PFKFB3: variants seen among roughly 807,000 people sequenced by gnomAD.
The protein encoded by PFKFB3 is 6-phosphofructo-2-kinase/fructose-2,6-biphosphatase 3.
In PFKFB3, 33 loss-of-function variants were observed where a neutral mutation model predicts 68.0. The observed-to-expected ratio is 0.49, with a 90% CI of 0.37 to 0.65. The LOEUF (loss-of-function observed/expected upper bound fraction) is 0.65, where lower values mean the gene tolerates loss of function less well. Ranked by LOEUF, PFKFB3 falls within the 30% of genes least tolerant of loss-of-function variation. PFKFB3 has a pLI of 0.00. For synonymous variants in PFKFB3, 315 were observed against 288.2 expected (o/e 1.09, Z -0.94); for missense variants, 586 against 712.2 (o/e 0.82, Z 2.02).
intron 1 of PFKFB3, among the ~76,000 whole-genome samples, chr10:6,145,590 G>C (rs1353728453): frequency 6.6e-6 from 1 of 152,192 alleles, no homozygotes; most frequent in African/African-American, 2.4e-5. Context: ...CGGCGCGGGA[G>C]GTGGGCAGCT....
intron 1 of PFKFB3, among the ~76,000 whole-genome samples, chr10:6,173,591 G>C (rs1287502286): frequency 6.6e-6 from 1 of 152,120 alleles, no homozygotes; most frequent in African/African-American, 2.4e-5. Context: ...TAAATGCTTG[G>C]AGAACAGCAA....
intron 1 of PFKFB3, among the ~76,000 whole-genome samples, chr10:6,159,837 C>T (rs1188468609): frequency 2.0e-5 from 3 of 151,886 alleles, no homozygotes; most frequent in Non-Finnish European, 4.4e-5. Flanking sequence ...TGACTCACTG[C>T]AGCTTTGACC....
In PFKFB3 at chr10:6,228,100, C is replaced by A; in HGVS notation, c.1515+1735C>A. On this transcript the variant is annotated intron_variant, in intron 14 of 14. Coordinates refer to ENST00000379775, the MANE Select transcript of PFKFB3 (RefSeq NM_004566.4). This position sits in a 1 kb window ranked among gnomAD's most constrained non-coding sequence, Gnocchi z 4.5. ...GCCAGGTTCTTAGGGACGTCTGAAG[C>A]TGCTGGCTGGGCCGGCGTGGGGTTT... The A allele has an allele frequency of 7.3e-7, 1 of 1,370,182 alleles. No homozygotes were observed. The highest frequency in any genetic ancestry group is 1.0e-6 in the Non-Finnish European group (1 of 962,358). 84.9% of individuals were successfully genotyped at this position (1,370,182 alleles called of 1,614,324 possible).
At chr10:6,303,794 C>T in the PFKFB3 span, among the ~76,000 whole-genome samples, 2 of 99,422 alleles carry the variant, frequency 2.0e-5, no homozygotes, top group African/African-American at 7.0e-5. Context: ...AGTGAGAGTC[C>T]ATCTAAAAAA....
chr10:6,293,645 C>T, the PFKFB3 span: 2 of 256,854 alleles, frequency 7.8e-6, no homozygotes, highest in Non-Finnish European at 1.6e-5. Context: ...GACGTCCGGT[C>T]TATTTTTCCA....
intron 1 of PFKFB3, among the ~76,000 whole-genome samples, chr10:6,191,649 G>C (rs1008508758): frequency 6.6e-6 from 1 of 152,164 alleles, no homozygotes; most frequent in Non-Finnish European, 1.5e-5. Context: ...CGCAGCTGTT[G>C]GGGAAGTCCC....
the PFKFB3 span, among the ~76,000 whole-genome samples, chr10:6,297,901 C>T: frequency 6.6e-6 from 1 of 152,192 alleles, no homozygotes; most frequent in Non-Finnish European, 1.5e-5. Context: ...ACCCGTCTCT[C>T]TTCTGCTGAT....
chr10:6,272,572 G>A, the PFKFB3 span, among the ~76,000 whole-genome samples: 1 of 152,096 alleles, frequency 6.6e-6, no homozygotes, highest in South Asian at 2.1e-4. Flanking sequence ...GTGGGTGCCT[G>A]TAATCCCAGC....
At chr10:6,205,719 G>A (rs1056761037) in intron 1 of PFKFB3, among the ~76,000 whole-genome samples, 1 of 151,994 alleles carries the variant, frequency 6.6e-6, no homozygotes. Context: ...TCCTAAACTT[G>A]TTGCCACCTT....
chr10:6,262,316 G>C, the PFKFB3 span, among the ~76,000 whole-genome samples: 48 of 151,180 alleles, frequency 3.2e-4, no homozygotes, highest in East Asian at 2.0e-4. Flanking sequence ...TAGCCGGGTG[G>C]GGTGGGGGGT....
the PFKFB3 span, among the ~76,000 whole-genome samples, chr10:6,320,470 T>G: frequency 6.6e-6 from 1 of 152,054 alleles, no homozygotes; most frequent in Admixed American, 6.6e-5. Flanking sequence ...TCTTTTTTTT[T>G]TTTGAGACAG....
rs760628655 is a variant in PFKFB3, at chr10:6,220,070, C to CATTTATTT, written c.623+391_623+398dup. On this transcript the variant is annotated intron_variant, in intron 7 of 14. Coordinates refer to ENST00000379775, the MANE Select transcript of PFKFB3 (RefSeq NM_004566.4). This position sits in a 1 kb window ranked among gnomAD's most constrained non-coding sequence, Gnocchi z 4.1. ...CTTTCTTTTTTCTTTCCTTTCTTTC[C>CATTTATTT]ATTTATTTATTTATTTATTTACTTA... is the stretch of plus-strand genomic sequence containing the variant. Among the ~76,000 whole-genome samples the CATTTATTT allele has an allele frequency of 5.3e-5, 8 of 151,558 alleles. No homozygotes were observed. The highest frequency in any genetic ancestry group is 1.2e-4 in the Non-Finnish European group (8 of 67,936).
chr10:6,210,596 G>C (rs1272798114), intron 1 of PFKFB3, among the ~76,000 whole-genome samples: 1 of 39,750 alleles, frequency 2.5e-5, no homozygotes, highest in African/African-American at 5.9e-5. Context: ...GTTTTTAATA[G>C]ACGGGGTTTC....
At position 6,215,056 on chromosome 10, in the gene PFKFB3, T is replaced by C. The variant is rs907815489; in HGVS notation, c.203-165T>C. On this transcript the variant is annotated intron_variant, in intron 2 of 14. Coordinates refer to ENST00000379775, the MANE Select transcript of PFKFB3 (RefSeq NM_004566.4). This position sits in a 1 kb window ranked among gnomAD's most constrained non-coding sequence, Gnocchi z 4.3. Reference sequence around the variant, plus strand: ...GCCTGTGCCCTGCTGTCCTCAGGAGTTGAGGGTAGCGTAGGACTGGGCGCC... The same window carrying C: ...GCCTGTGCCCTGCTGTCCTCAGGAGCTGAGGGTAGCGTAGGACTGGGCGCC... Among the ~76,000 whole-genome samples, 1 of 151,422 alleles carries C rather than the reference T, an allele frequency of 6.6e-6. No homozygotes were observed. Among genetic ancestry groups the C allele is most frequent in the African/African-American group, 2.4e-5 (1 of 41,198 alleles).
chr10:6,205,221 T>C (rs1342543937), intron 1 of PFKFB3, among the ~76,000 whole-genome samples: 1 of 152,164 alleles, frequency 6.6e-6, no homozygotes, highest in African/African-American at 2.4e-5. Flanking sequence ...GCAGCCTGGG[T>C]ATCGCACATC....
At chr10:6,222,186 G>A (rs937154298) in intron 10 of PFKFB3, among the ~76,000 whole-genome samples, 10 of 152,090 alleles carry the variant, frequency 6.6e-5, no homozygotes, top group Non-Finnish European at 1.5e-4. Flanking sequence ...GAGCAGTGTC[G>A]TGCCTCAGGC....
At chr10:6,277,244 T>C in the PFKFB3 span, among the ~76,000 whole-genome samples, 1 of 151,850 alleles carries the variant, frequency 6.6e-6, no homozygotes, top group East Asian at 1.9e-4. Flanking sequence ...TTTCTTTTCT[T>C]TTTTTTTGAG....
At chr10:6,238,446 T>A (rs1032838343), downstream of PFKFB3, among the ~76,000 whole-genome samples, 2 of 129,728 alleles carry the variant, frequency 1.5e-5, no homozygotes, top group Non-Finnish European at 3.1e-5. Context: ...ATTACAGGTG[T>A]GAGCCACTGA....
At chr10:6,209,067 A>G (rs1243953297) in intron 1 of PFKFB3, among the ~76,000 whole-genome samples, 1 of 152,206 alleles carries the variant, frequency 6.6e-6, no homozygotes, top group Non-Finnish European at 1.5e-5. Flanking sequence ...TACCCAGTGC[A>G]TGTACCTGGT....
Sources: allele counts gnomAD v4.1 joint callset (sites outside exome capture counted in the v4.1 genomes callset), GRCh38; gene constraint gnomAD v4.1.1; non-coding constraint Gnocchi (gnomAD v3.1); transcripts MANE v1.5; gene names NCBI Gene and HGNC (gene_info 2026-07-23, HGNC 2026-07-21).